The following PTPRB variants were observed in gnomAD, a reference collection of about 807,000 sequenced individuals.
PTPRB encodes protein tyrosine phosphatase receptor type B.
In PTPRB, 97 loss-of-function variants were observed where a neutral mutation model predicts 238.1. The observed-to-expected ratio is 0.41, with a 90% CI of 0.35 to 0.48. PTPRB has a LOEUF of 0.48. PTPRB is among the 20% of genes least tolerant of loss of function. PTPRB has a pLI of 0.30. For missense variants in PTPRB, 2,292 were observed against 2,681.9 expected (o/e 0.85, Z 3.21); for synonymous variants, 970 against 995.4 (o/e 0.97, Z 0.48).
chr12:70,562,741 T>C, intron 16 of PTPRB, 103 bp downstream of exon 16: 1 of 1,386,128 alleles, frequency 7.2e-7, no homozygotes, highest in Non-Finnish European at 9.9e-7. Flanking sequence ...CATATAAAGC[T>C]ACATCCTGAA....
At chr12:70,523,628 G>A (rs945417444) in intron 33 of PTPRB, among the ~76,000 whole-genome samples, 1 of 152,136 alleles carries the variant, frequency 6.6e-6, no homozygotes, top group Admixed American at 6.5e-5. Context: ...TAGGCTGGAA[G>A]AGATACCTTG....
chr12:70,539,382 C>T lies in PTPRB; in HGVS notation c.5778+243G>A, dbSNP rs1236084765. 2.0e-5 allele frequency: 11 copies of T among 553,882 alleles called. No individual in the cohort carries two copies. In the Admixed American group the frequency reaches 2.3e-4, roughly 11 times the overall value. 34.3% of individuals were successfully genotyped at this position (553,882 alleles called of 1,614,324 possible). ...CTGCATTTGAGATTTGTTAATTCTTCCTTACTATCTGATCCAGGTAGCCCT... is the reference window on the plus strand; with the variant it reads ...CTGCATTTGAGATTTGTTAATTCTTTCTTACTATCTGATCCAGGTAGCCCT... On this transcript the variant is annotated intron_variant, in intron 26 of 33. Transcript: ENST00000334414.
chr12:70,609,438 A>G, intron 3 of PTPRB, 99 bp from the exon 4 acceptor site: 1 of 1,445,752 alleles, frequency 6.9e-7, no homozygotes. Context: ...TCCTCTACTT[A>G]TCCTTTGTCC....
Position 70,540,838 on chromosome 12 carries a change from A to T in PTPRB, c.5594+20T>A. On this transcript the variant is annotated intron_variant, in intron 23 of 33. Transcript: ENST00000334414. ...TTTTAAAGTTGTGGGTCCAATCACC[A>T]AAAGGATCTTTGTACTTACCTCACT... 6.4e-7 allele frequency: 1 copy of T among 1,567,294 alleles called. No individual in the cohort carries two copies. The highest frequency in any genetic ancestry group is 8.7e-7 in the Non-Finnish European group (1 of 1,151,468).
rs1469738565 is a variant in PTPRB at position 70,628,461 on chromosome 12, A to T, written c.452-5815T>A. ...CTGAAAGTTCTGGAATGACATAGGC[A>T]TGGCCTATCGGCCCATGGATTTGCG... On this transcript the variant is annotated intron_variant, in intron 2 of 33. Coordinates refer to ENST00000334414, the MANE Select transcript of PTPRB (RefSeq NM_001109754.4). Among the ~76,000 whole-genome samples the T allele has an allele frequency of 2.6e-5, 4 of 152,338 alleles. No homozygotes were observed. In the East Asian group the frequency reaches 7.7e-4, roughly 29 times the overall value.
intron 32 of PTPRB, among the ~76,000 whole-genome samples, chr12:70,524,827 GTGTGCATATA>G (rs1400621590): frequency 6.6e-6 from 1 of 151,582 alleles, no homozygotes; most frequent in African/African-American, 2.4e-5. Flanking sequence ...ATATATGTGT[GTGTGCATATA>G]TGTGTGTATA....
intron 32 of PTPRB, among the ~76,000 whole-genome samples, chr12:70,528,527 G>A (rs1243038679): frequency 6.6e-6 from 1 of 152,034 alleles, no homozygotes; most frequent in Non-Finnish European, 1.5e-5. Flanking sequence ...TAGCTCCAAG[G>A]GAAGGAAAGG....
At chr12:70,531,277 T>C (rs757626825) in intron 32 of PTPRB, among the ~76,000 whole-genome samples, 3 of 151,840 alleles carry the variant, frequency 2.0e-5, no homozygotes, top group Non-Finnish European at 2.9e-5. Context: ...CACAGAAGCA[T>C]GTAGAACTTT....
chr12:70,595,471 TA>T (rs928647449), intron 5 of PTPRB, among the ~76,000 whole-genome samples: 1 of 151,876 alleles, frequency 6.6e-6, no homozygotes, highest in Non-Finnish European at 1.5e-5. Context: ...TAAAGTATAA[TA>T]AAAAAATTTA....
At chr12:70,609,666 C>A in intron 3 of PTPRB, 1 of 1,365,596 alleles carries the variant, frequency 7.3e-7, no homozygotes, top group Non-Finnish European at 1.0e-6. Context: ...CCTCCCTCTT[C>A]AAAGCACAAC....
At chr12:70,540,986 C>A in intron 22 of PTPRB, 29 bp from the exon 23 acceptor site, 2 of 1,551,518 alleles carry the variant, frequency 1.3e-6, no homozygotes, top group Non-Finnish European at 1.8e-6. Context: ...AAACAACAAA[C>A]GCAGGTGGGA....
chr12:70,567,154 T>C (rs1879409154), intron 14 of PTPRB, among the ~76,000 whole-genome samples: 1 of 152,218 alleles, frequency 6.6e-6, no homozygotes. Flanking sequence ...CTAGTATTTG[T>C]TCTATAGCTC....
intron 3 of PTPRB, chr12:70,609,785 C>G (rs1458610140): frequency 1.3e-6 from 2 of 1,587,792 alleles, no homozygotes; most frequent in South Asian, 2.3e-5. Context: ...GTGTGATCCA[C>G]AAGGCCAACC....
rs141508756 is a variant in PTPRB at position 70,524,865 on chromosome 12, G to A, written c.6505-274C>T. Among the ~76,000 whole-genome samples the A allele has an allele frequency of 6.8e-4, 101 of 149,116 alleles. 2 individuals carry two copies. The East Asian group carries it at 0.018, about 27-fold the overall frequency. On this transcript the variant is annotated intron_variant, in intron 32 of 33. Transcript: ENST00000334414. ...TGTGTATATATGTGTGTATATGTGT[G>A]TATATATGTGTGTATATATGTATAT...
intron 3 of PTPRB, among the ~76,000 whole-genome samples, chr12:70,610,003 G>A (rs1385989915): frequency 6.6e-6 from 1 of 151,940 alleles, no homozygotes; most frequent in East Asian, 2.0e-4. Context: ...GCCGCCCCGG[G>A]CGGGCTGCGG....
chr12:70,531,992 T>G (rs1287494151), intron 32 of PTPRB, 43 bp downstream of exon 32: 73 of 1,611,964 alleles, frequency 4.5e-5, no homozygotes, highest in Non-Finnish European at 5.9e-5. Flanking sequence ...GGGAATACAG[T>G]GGGGAGGAGG....
At chr12:70,621,610 A>G (rs1370411095) in intron 3 of PTPRB, among the ~76,000 whole-genome samples, 1 of 152,262 alleles carries the variant, frequency 6.6e-6, no homozygotes, top group Non-Finnish European at 1.5e-5. Flanking sequence ...AACCATATGC[A>G]ATGTGAAATT....
chr12:70,520,091 C>A lies in PTPRB; in HGVS notation c.*1398G>T. ...ATCAACAAACTTGACCTCTAATTCC[C>A]AAGTTTATTACAGAAAAATTTGTAG... On this transcript the variant is annotated 3_prime_UTR_variant, in exon 34 of 34. Coordinates refer to ENST00000334414, the MANE Select transcript of PTPRB (RefSeq NM_001109754.4). 1 of 367,472 alleles carries A rather than the reference C, an allele frequency of 2.7e-6. No individual in the cohort carries two copies. The highest frequency in any genetic ancestry group is 5.4e-6 in the Non-Finnish European group (1 of 185,696). 22.8% of individuals were successfully genotyped at this position (367,472 alleles called of 1,614,324 possible).
chr12:70,548,673 T>C (rs1446116879), intron 21 of PTPRB, among the ~76,000 whole-genome samples: 5 of 152,140 alleles, frequency 3.3e-5, no homozygotes, highest in Admixed American at 2.6e-4. Flanking sequence ...TCAGGCACTC[T>C]TCCCTTAAAA....
Sources: allele counts gnomAD v4.1 joint callset (sites outside exome capture counted in the v4.1 genomes callset), GRCh38; gene constraint gnomAD v4.1.1; transcripts MANE v1.5; gene names NCBI Gene and HGNC (gene_info 2026-07-23, HGNC 2026-07-21).